STXBP5: variants seen among roughly 807,000 people sequenced by gnomAD.
STXBP5 encodes syntaxin binding protein 5.
A neutral mutation model predicts 152.4 loss-of-function variants in STXBP5; 50 were observed. That is an observed-to-expected ratio of 0.33 (90% CI 0.26 to 0.42). The LOEUF (loss-of-function observed/expected upper bound fraction) is 0.42, where lower values mean the gene tolerates loss of function less well. STXBP5 is among the 10% of genes least tolerant of loss of function. The probability of loss-of-function intolerance (pLI) is 1.00; values close to 1 mark genes in which losing one functional copy is unlikely to be tolerated. For synonymous variants in STXBP5, 492 were observed against 494.7 expected (o/e 0.99, Z 0.07); for missense variants, 1,167 against 1,388.6 (o/e 0.84, Z 2.54).
Position 147,310,989 on chromosome 6 carries a change from CAAG to C in STXBP5, c.1073-460_1073-458del, listed in dbSNP as rs774597869. 5.9e-5 allele frequency among the ~76,000 whole-genome samples: 9 copies of C among 152,052 alleles called. No homozygotes were observed. The East Asian group carries it at 1.7e-3, about 29-fold the overall frequency. On this transcript the variant is annotated intron_variant, in intron 10 of 27. Transcript: ENST00000321680. ...ACCATCAGAGCTAGTGTATATAATTCAAGAAGAATTTAAATCTGGACCTTTTTT... is the reference window on the plus strand; with the variant it reads ...ACCATCAGAGCTAGTGTATATAATTCAAGAATTTAAATCTGGACCTTTTTT...
chr6:147,252,937 G>A (rs1274690179), intron 4 of STXBP5, among the ~76,000 whole-genome samples: 1 of 152,098 alleles, frequency 6.6e-6, no homozygotes, highest in Non-Finnish European at 1.5e-5. Flanking sequence ...GAAAAAGAGG[G>A]ACTCCTCTCT....
intron 2 of STXBP5, among the ~76,000 whole-genome samples, chr6:147,212,526 G>T (rs1258904159): frequency 6.6e-6 from 1 of 152,164 alleles, no homozygotes; most frequent in Non-Finnish European, 1.5e-5. Context: ...AGGAAATTGG[G>T]ATGTGTTATT....
chr6:147,305,900 GA>G (rs533145962), intron 9 of STXBP5, among the ~76,000 whole-genome samples: 1 of 151,762 alleles, frequency 6.6e-6, no homozygotes, highest in South Asian at 2.1e-4. Context: ...ATTTCCATTT[GA>G]AAAAAAATTG....
chr6:147,314,652 A>T lies in STXBP5; in HGVS notation c.1402+16A>T. 6.3e-7 allele frequency: 1 copy of T among 1,596,696 alleles called. No individual in the cohort carries two copies. Among genetic ancestry groups the T allele is most frequent in the Non-Finnish European group, 8.5e-7 (1 of 1,169,692 alleles). ...GCTTCTGCAAGTAAGTATTTTTAAT[A>T]TTCATTATTTGTTATATGTTATACA... On this transcript the variant is annotated intron_variant, in intron 14 of 27. Transcript: ENST00000321680.
chr6:147,256,726 G>T (rs1779386560), intron 4 of STXBP5, among the ~76,000 whole-genome samples: 1 of 152,168 alleles, frequency 6.6e-6, no homozygotes, highest in African/African-American at 2.4e-5. Flanking sequence ...CGCTGGGAAT[G>T]TCTGATTGTT....
rs758693721 is a variant in STXBP5, at chr6:147,363,618, G to A, written c.2829G>A (p.Ser943=). 5.0e-6 allele frequency: 8 copies of A among 1,614,084 alleles called. No homozygotes were observed. The highest frequency in any genetic ancestry group is 2.2e-5 in the South Asian group (2 of 91,080). The part of the protein sequence containing the change: ...CAYKQNITET[S]FVLRGDIVAL... ...ATAAGCAAAATATTACAGAGACCTC[G>A]TTTGTGCTTCGTGGAGATATTGTAG... The change falls in exon 24 of 28, where the codon TCG becomes TCA. Residue 943 remains serine, a synonymous_variant. Transcript: ENST00000321680.
chr6:147,382,686 C>T (rs1446442909), intron 26 of STXBP5, 92 bp from the exon 27 acceptor site: 1 of 1,318,780 alleles, frequency 7.6e-7, no homozygotes, highest in Non-Finnish European at 1.1e-6. Context: ...TATTACCACT[C>T]AATCCAAAAA....
At chr6:147,311,109 ATAG>A (rs1433923905) in intron 10 of STXBP5, among the ~76,000 whole-genome samples, 9 of 152,144 alleles carry the variant, frequency 5.9e-5, no homozygotes, top group East Asian at 3.9e-4. Flanking sequence ...AGATAGTATT[ATAG>A]TAGAACTCTT....
rs181622558 is a variant in STXBP5 at position 147,333,425 on chromosome 6, G to A, written c.2081-732G>A. Among the ~76,000 whole-genome samples, 57 of 152,296 alleles carry A rather than the reference G, an allele frequency of 3.7e-4. No homozygotes were observed. The East Asian group carries it at 9.5e-3, about 25-fold the overall frequency. On this transcript the variant is annotated intron_variant, in intron 18 of 27. Coordinates refer to ENST00000321680, the MANE Select transcript of STXBP5 (RefSeq NM_001127715.4). ...TGTAGTCCCAGCTACTTGGGAGGCC[G>A]AGGCAGGAGAATCGCTTGAACCCAG... is the stretch of plus-strand genomic sequence containing the variant.
intron 7 of STXBP5, among the ~76,000 whole-genome samples, 189 bp from the exon 8 acceptor site, chr6:147,277,890 CAG>C (rs969178699): frequency 2.0e-5 from 3 of 152,016 alleles, no homozygotes; most frequent in Admixed American, 1.3e-4. Context: ...AGAATTAAAA[CAG>C]TGTTAATATG....
chr6:147,233,301 A>G (rs947554069), intron 2 of STXBP5, among the ~76,000 whole-genome samples: 1 of 151,740 alleles, frequency 6.6e-6, no homozygotes. Context: ...GGTTGACATT[A>G]TCTTTAAAGT....
At chr6:147,213,475 T>C (rs113230727) in intron 2 of STXBP5, among the ~76,000 whole-genome samples, 2,179 of 132,220 alleles carry the variant, frequency 0.016, 40 homozygotes, top group African/African-American at 0.039. Context: ...TGTGTGTGTG[T>C]GTGCGCGCGC....
intron 11 of STXBP5, among the ~76,000 whole-genome samples, chr6:147,311,768 A>C (rs1423899552): frequency 6.6e-6 from 1 of 152,152 alleles, no homozygotes; most frequent in African/African-American, 2.4e-5. Context: ...CACATGATTC[A>C]ACCTGACACT....
At chr6:147,263,346 T>C (rs1208048588) in intron 6 of STXBP5, among the ~76,000 whole-genome samples, 38 of 143,226 alleles carry the variant, frequency 2.7e-4, no homozygotes, top group South Asian at 4.2e-4. Flanking sequence ...TTCTTTCTTT[T>C]TTTTTTTTTT....
At position 147,305,900 on chromosome 6, in the gene STXBP5, G is replaced by GA. The variant is rs533145962; in HGVS notation, c.918-4176dup. Among the ~76,000 whole-genome samples the GA allele has an allele frequency of 9.9e-5, 15 of 151,762 alleles. 1 individual carries two copies. The East Asian group carries it at 2.9e-3, about 29-fold the overall frequency. On this transcript the variant is annotated intron_variant, in intron 9 of 27. Coordinates refer to ENST00000321680, the MANE Select transcript of STXBP5 (RefSeq NM_001127715.4). ...AAAATGGAATTGTACATTTCCATTT[G>GA]AAAAAAAATTGTTGAGGGTTTGGTA... is the stretch of plus-strand genomic sequence containing the variant.
At chr6:147,280,264 G>T (rs1170778986) in intron 8 of STXBP5, among the ~76,000 whole-genome samples, 1 of 152,078 alleles carries the variant, frequency 6.6e-6, no homozygotes, top group Non-Finnish European at 1.5e-5. Context: ...GTATGGTTTT[G>T]TCTCATGTTT....
intron 4 of STXBP5, among the ~76,000 whole-genome samples, chr6:147,251,241 C>T (rs566490282): frequency 6.6e-6 from 1 of 152,270 alleles, no homozygotes; most frequent in African/African-American, 2.4e-5. Context: ...CCACGAGGGA[C>T]GGTGCATTTC....
chr6:147,373,767 C>A lies in STXBP5; in HGVS notation c.3118C>A (p.Pro1040Thr). 1 of 1,613,814 alleles carries A rather than the reference C, an allele frequency of 6.2e-7. No homozygotes were observed. Among genetic ancestry groups the A allele is most frequent in the Non-Finnish European group, 8.5e-7 (1 of 1,179,850 alleles). The change falls in exon 26 of 28, where the codon CCT (proline) becomes ACT (threonine). Residue 1040 changes from proline (P) to threonine (T), a missense_variant. This residue lies in a region of STXBP5 where 833 missense variants were observed against 986.3 expected (regional missense o/e 0.84). Coordinates refer to ENST00000321680, the MANE Select transcript of STXBP5 (RefSeq NM_001127715.4). ...LGELFTPVET[P>T]EAPNRGFFKG... ...TGAACTCTTCACTCCTGTAGAAACA[C>A]CTGAAGCACCAAACAGGGGATTCTT... is the stretch of plus-strand genomic sequence containing the variant.
rs552399685 is a variant in STXBP5, at chr6:147,313,808, A to G, written c.1146-76A>G. ...TCTATGATAGAATGTATGTTTTTTA[A>G]AGTTTTTATTTTTGTATTAATCATA... On this transcript the variant is annotated intron_variant, in intron 11 of 27. Transcript: ENST00000321680. The G allele has an allele frequency of 9.9e-4, 976 of 990,322 alleles. 1 individual carries two copies. The highest frequency in any genetic ancestry group is 1.3e-3 in the Non-Finnish European group (926 of 717,164). The allele number at this position is 990,322 out of a possible 1,614,324, so 61.3% of individuals were successfully genotyped here. A position where few individuals can be genotyped will look rare whatever the true frequency, so the allele number is the denominator to read the frequency against.
Sources: gnomAD v4.1 joint callset for allele counts (sites outside exome capture counted in the v4.1 genomes callset) on GRCh38, gnomAD v4.1.1 for gene constraint, gnomAD v4.1.1 regional missense constraint, MANE v1.5 for transcripts, NCBI Gene and HGNC (gene_info 2026-07-23, HGNC 2026-07-21) for gene names.